The following EPC1 variants were observed in gnomAD, a reference collection of about 807,000 sequenced individuals.
EPC1 encodes enhancer of polycomb homolog 1.
In EPC1, 12 loss-of-function variants were observed where a neutral mutation model predicts 98.4. The observed-to-expected ratio is 0.12, with a 90% CI of 0.08 to 0.20. The LOEUF is 0.20. Among genes scored for constraint, EPC1 ranks in the 10% least tolerant of loss-of-function variants. The pLI is 1.00. For synonymous variants in EPC1, 357 were observed against 363.9 expected (o/e 0.98, Z 0.21); for missense variants, 729 against 990.5 (o/e 0.74, Z 3.54).
chr10:32,327,317 G>A (rs1254213649), intron 1 of EPC1, among the ~76,000 whole-genome samples: 1 of 152,160 alleles, frequency 6.6e-6, no homozygotes, highest in African/African-American at 2.4e-5. Flanking sequence ...AGGAGGGACG[G>A]GAAACAGGAA....
intron 1 of EPC1, among the ~76,000 whole-genome samples, chr10:32,365,137 A>C (rs1839562781): frequency 6.6e-6 from 1 of 152,142 alleles, no homozygotes; most frequent in African/African-American, 2.4e-5. Flanking sequence ...TTAGTTAGTA[A>C]TTGGTGACAC....
chr10:32,349,870 G>C (rs1209659432), upstream of EPC1, among the ~76,000 whole-genome samples: 1 of 152,180 alleles, frequency 6.6e-6, no homozygotes, highest in Non-Finnish European at 1.5e-5. Flanking sequence ...AAAGTGCTGG[G>C]ATTACAGGTG....
intron 1 of EPC1, among the ~76,000 whole-genome samples, chr10:32,308,304 C>T (rs1205742690): frequency 5.3e-5 from 8 of 152,044 alleles, no homozygotes; most frequent in East Asian, 1.9e-4. Flanking sequence ...CAGGGAGAAT[C>T]GCTTGAATCT....
chr10:32,378,367 G>A (rs1443214713), intron 1 of EPC1: 2 of 673,058 alleles, frequency 3.0e-6, no homozygotes, highest in South Asian at 4.8e-5. Flanking sequence ...TAGGTAGAAC[G>A]TGCAGAGATC....
chr10:32,351,936 A>G (rs1839123902), upstream of EPC1, among the ~76,000 whole-genome samples: 1 of 147,788 alleles, frequency 6.8e-6, no homozygotes, highest in African/African-American at 2.5e-5. Context: ...GTTTCACCAT[A>G]TGTTGGCCAG....
chr10:32,337,741 CAGAGCTATTCCAA>C (rs1391160574), intron 1 of EPC1, among the ~76,000 whole-genome samples: 1 of 152,196 alleles, frequency 6.6e-6, no homozygotes, highest in African/African-American at 2.4e-5. Flanking sequence ...TCTTTCATAG[CAGAGCTATTCCAA>C]AGAGTTGACT....
At chr10:32,332,921 G>A (rs1170369191) in intron 1 of EPC1, among the ~76,000 whole-genome samples, 1 of 152,164 alleles carries the variant, frequency 6.6e-6, no homozygotes, top group Non-Finnish European at 1.5e-5. Context: ...AAAGTCTCAT[G>A]GTATTTCATA....
chr10:32,345,693 A>G (rs1838726093), intron 1 of EPC1: 2 of 910,450 alleles, frequency 2.2e-6, no homozygotes. Context: ...AGGTAAAGCC[A>G]CAGCGATGGT....
rs539774588 is a variant in EPC1 at position 32,273,265 on chromosome 10, T to C, written c.1761A>G (p.Gln587=). Residue 587 remains glutamine, a synonymous_variant, in exon 11 of 14, where the codon CAA becomes CAG. Transcript: ENST00000319778. The part of the protein sequence containing the change: ...GSAHFAFTAE[Q]YQQHQQQLAL... ...CCAGTTGCTGTTGATGTTGCTGGTA[T>C]TGTTCGGCTGTAAATGCTGAACATA... 4 of 1,614,128 alleles carry C rather than the reference T, an allele frequency of 2.5e-6. No homozygotes were observed. The South Asian group carries it at 3.3e-5, about 13-fold the overall frequency.
At chr10:32,348,896 A>ATATCATCTCTT (rs1839025517), upstream of EPC1, among the ~76,000 whole-genome samples, 1 of 152,206 alleles carries the variant, frequency 6.6e-6, no homozygotes, top group Non-Finnish European at 1.5e-5. Context: ...GCAAGGGAAG[A>ATATCATCTCTT]CTTTTTGGAA....
At chr10:32,372,460 C>T (rs1352237822) in intron 1 of EPC1, among the ~76,000 whole-genome samples, 4 of 152,254 alleles carry the variant, frequency 2.6e-5, no homozygotes, top group Non-Finnish European at 4.4e-5. Context: ...ATGAATTTAC[C>T]CCCTTCAATA....
intron 4 of EPC1, 38 bp downstream of exon 4, chr10:32,292,950 T>C (rs759801279): frequency 2.3e-6 from 3 of 1,283,342 alleles, no homozygotes; most frequent in Non-Finnish European, 3.2e-6. Context: ...ATAATTTTTA[T>C]TATATAATTA....
chr10:32,341,379 A>C (rs1402228127), intron 1 of EPC1, among the ~76,000 whole-genome samples: 1 of 152,164 alleles, frequency 6.6e-6, no homozygotes, highest in East Asian at 1.9e-4. Flanking sequence ...ACCAGTACAT[A>C]CCATGACACA....
chr10:32,325,363 ACTC>A, intron 1 of EPC1, among the ~76,000 whole-genome samples: 1 of 152,234 alleles, frequency 6.6e-6, no homozygotes, highest in Non-Finnish European at 1.5e-5. Context: ...ATATGAGATA[ACTC>A]ACTGGATCAT....
intron 1 of EPC1, among the ~76,000 whole-genome samples, chr10:32,334,627 C>G (rs1837846442): frequency 6.6e-6 from 1 of 152,152 alleles, no homozygotes; most frequent in African/African-American, 2.4e-5. Flanking sequence ...GGAAAGTCTA[C>G]TGTATATTAA....
At chr10:32,287,587 C>A (rs1009702117) in intron 6 of EPC1, among the ~76,000 whole-genome samples, 4 of 152,120 alleles carry the variant, frequency 2.6e-5, no homozygotes, top group Non-Finnish European at 5.9e-5. Flanking sequence ...TGGCTCCTCC[C>A]ATTTTCTTAA....
At chr10:32,333,235 G>A (rs1324186096) in intron 1 of EPC1, among the ~76,000 whole-genome samples, 13 of 152,168 alleles carry the variant, frequency 8.5e-5, no homozygotes, top group Non-Finnish European at 1.9e-4. Flanking sequence ...AGCTACTCAG[G>A]AGGTTGAGGC....
intron 1 of EPC1, among the ~76,000 whole-genome samples, chr10:32,324,391 C>A (rs1439243515): frequency 6.6e-6 from 1 of 151,214 alleles, no homozygotes; most frequent in Non-Finnish European, 1.5e-5. Context: ...CCCGTCTCTG[C>A]GTGGTGGCGG....
chr10:32,287,058 T>C (rs1297163798), intron 7 of EPC1, 40 bp downstream of exon 7: 1 of 1,613,826 alleles, frequency 6.2e-7, no homozygotes, highest in Admixed American at 1.7e-5. Flanking sequence ...CGTGACTTCC[T>C]ACATCCCTCC....
Sources: allele counts gnomAD v4.1 joint callset (sites outside exome capture counted in the v4.1 genomes callset), GRCh38; gene constraint gnomAD v4.1.1; transcripts MANE v1.5; gene names NCBI Gene and HGNC (gene_info 2026-07-23, HGNC 2026-07-21).